The following WWP2 variants were observed in gnomAD, a reference collection of about 807,000 sequenced individuals.
WWP2 encodes NEDD4-like E3 ubiquitin-protein ligase WWP2.
In WWP2, 57 loss-of-function variants were observed where a neutral mutation model predicts 121.0. The ratio of observed to expected loss-of-function variants is 0.47; its 90% confidence interval spans 0.38 to 0.59. The LOEUF (loss-of-function observed/expected upper bound fraction) is 0.59, where lower values mean the gene tolerates loss of function less well. Among genes scored for constraint, WWP2 ranks in the 20% least tolerant of loss-of-function variants. The pLI is 0.00. For synonymous variants in WWP2, 449 were observed against 441.3 expected, an observed-to-expected ratio of 1.02 and a Z score of -0.22; for missense variants, 962 against 1,158.9, an observed-to-expected ratio of 0.83 and a Z score of 2.47.
chr16:69,865,293 G>A (rs1007205842), intron 6 of WWP2, among the ~76,000 whole-genome samples: 11 of 151,828 alleles, frequency 7.2e-5, no homozygotes, highest in African/African-American at 9.7e-5. Context: ...CAGGTGATCC[G>A]CCTGCCTCAG....
intron 2 of WWP2, among the ~76,000 whole-genome samples, 189 bp downstream of exon 2, chr16:69,787,269 G>C (rs962010781): frequency 2.0e-5 from 3 of 152,284 alleles, no homozygotes; most frequent in Admixed American, 6.5e-5. Context: ...CAGGAAAATA[G>C]GGAACTTTTA....
intron 2 of WWP2, among the ~76,000 whole-genome samples, chr16:69,796,106 AG>A (rs2056037321): frequency 6.6e-6 from 1 of 152,100 alleles, no homozygotes; most frequent in Non-Finnish European, 1.5e-5. Flanking sequence ...TATTATAAAA[AG>A]TTAAATGTCC....
At chr16:69,778,305 C>T (rs1465514525) in intron 1 of WWP2, among the ~76,000 whole-genome samples, 1 of 150,390 alleles carries the variant, frequency 6.6e-6, no homozygotes, top group Non-Finnish European at 1.5e-5. Context: ...TAATGAAATA[C>T]TTTGTTCATC....
chr16:69,872,650 A>G (rs549556407), intron 7 of WWP2, among the ~76,000 whole-genome samples: 1 of 152,318 alleles, frequency 6.6e-6, no homozygotes, highest in Non-Finnish European at 1.5e-5. Flanking sequence ...TGTTGCTAAG[A>G]GCTGAGTCAG....
At chr16:69,828,157 G>GGTCC (rs2056735946) in intron 4 of WWP2, 3 of 333,060 alleles carry the variant, frequency 9.0e-6, no homozygotes, top group Non-Finnish European at 1.7e-5. Flanking sequence ...AAATAAGGGT[G>GGTCC]GTCCTGGTTG....
intron 10 of WWP2, among the ~76,000 whole-genome samples, chr16:69,923,819 C>T (rs2151980058): frequency 6.6e-6 from 1 of 152,340 alleles, no homozygotes; most frequent in East Asian, 1.9e-4. Context: ...TCCTTTGCCT[C>T]TGTTGCCGAA....
intron 6 of WWP2, among the ~76,000 whole-genome samples, chr16:69,846,069 A>AAAAAAAAG (rs1335612452): frequency 6.7e-6 from 1 of 150,182 alleles, no homozygotes; most frequent in African/African-American, 2.5e-5. Flanking sequence ...AAAAAAAAAA[A>AAAAAAAAG]AGAATACTTA....
intron 8 of WWP2, among the ~76,000 whole-genome samples, chr16:69,894,445 C>A (rs550572645): frequency 6.6e-6 from 1 of 152,248 alleles, no homozygotes; most frequent in South Asian, 2.1e-4. Flanking sequence ...CACGTCTGCA[C>A]GTTTTAAGAA....
At chr16:69,771,532 G>T (rs2055415901) in intron 1 of WWP2, among the ~76,000 whole-genome samples, 1 of 152,130 alleles carries the variant, frequency 6.6e-6, no homozygotes, top group Admixed American at 6.6e-5. Flanking sequence ...TAGGCATGAG[G>T]CACAGAGCCT....
intron 8 of WWP2, among the ~76,000 whole-genome samples, chr16:69,904,249 A>G (rs2058252538): frequency 6.6e-6 from 1 of 152,208 alleles, no homozygotes; most frequent in Admixed American, 6.5e-5. Context: ...TCTGTGCTAG[A>G]AGGCCCTGCC....
At chr16:69,904,243 T>G (rs1410428509) in intron 8 of WWP2, among the ~76,000 whole-genome samples, 1 of 152,208 alleles carries the variant, frequency 6.6e-6, no homozygotes, top group Non-Finnish European at 1.5e-5. Context: ...CTGTCTTCTG[T>G]GCTAGAAGGC....
At chr16:69,786,093 G>C (rs55863174) in intron 1 of WWP2, 39,522 of 149,248 alleles carry the variant, frequency 0.26, 5,811 homozygotes, top group East Asian at 0.41. Context: ...CACTAGATTA[G>C]CTGTCTTTCT....
chr16:69,895,848 C>CT (rs2151946601), intron 8 of WWP2, among the ~76,000 whole-genome samples: 1 of 152,300 alleles, frequency 6.6e-6, no homozygotes, highest in South Asian at 2.1e-4. Context: ...GTGGACCATT[C>CT]TTTGAGTAGC....
chr16:69,796,527 C>T (rs533599874), intron 2 of WWP2, among the ~76,000 whole-genome samples: 97 of 152,294 alleles, frequency 6.4e-4, no homozygotes, highest in African/African-American at 2.3e-3. Context: ...CCAGTAGTAC[C>T]GCATATGACT....
At chr16:69,903,917 A>G (rs1233560440) in intron 8 of WWP2, among the ~76,000 whole-genome samples, 1 of 152,258 alleles carries the variant, frequency 6.6e-6, no homozygotes, top group Admixed American at 6.5e-5. Context: ...GCGTACTAGT[A>G]TTAGGGCTTT....
chr16:69,808,184 C>T (rs2056319337), intron 4 of WWP2, among the ~76,000 whole-genome samples: 1 of 152,070 alleles, frequency 6.6e-6, no homozygotes, highest in Admixed American at 6.6e-5. Flanking sequence ...TTAGTGAGAA[C>T]ATGCAGTATG....
At chr16:69,869,620 C>T (rs1227457023) in intron 6 of WWP2, among the ~76,000 whole-genome samples, 1 of 152,108 alleles carries the variant, frequency 6.6e-6, no homozygotes, top group Non-Finnish European at 1.5e-5. Flanking sequence ...GTTGGGATTA[C>T]AGGTGTGAGC....
intron 1 of WWP2, among the ~76,000 whole-genome samples, chr16:69,776,790 T>C (rs933937746): frequency 6.6e-6 from 1 of 151,348 alleles, no homozygotes; most frequent in African/African-American, 2.4e-5. Flanking sequence ...ATTGTGCCAT[T>C]GCACTCCAGC....
chr16:69,809,835 GAAAAAGA>G (rs1461174110), intron 4 of WWP2, among the ~76,000 whole-genome samples: 1 of 151,260 alleles, frequency 6.6e-6, no homozygotes, highest in Non-Finnish European at 1.5e-5. Flanking sequence ...GGGAGAGAGA[GAAAAAGA>G]AAAAAGAAAG....
Sources: gnomAD v4.1 joint callset for allele counts (sites outside exome capture counted in the v4.1 genomes callset) on GRCh38, gnomAD v4.1.1 for gene constraint, MANE v1.5 for transcripts, NCBI Gene and HGNC (gene_info 2026-07-23, HGNC 2026-07-21) for gene names.